Variants in PSD3 observed in about 807,000 individuals in gnomAD.
PSD3 encodes pleckstrin and Sec7 domain containing 3.
PSD3 carries 49 observed loss-of-function variants against 105.5 expected under a neutral mutation model. The observed-to-expected ratio is 0.46, with a 90% CI of 0.37 to 0.59. The LOEUF (loss-of-function observed/expected upper bound fraction) is 0.59, where lower values mean the gene tolerates loss of function less well. Among genes scored for constraint, PSD3 ranks in the 20% least tolerant of loss-of-function variants. PSD3 has a pLI of 0.00. For synonymous variants in PSD3, 557 were observed against 457.8 expected (o/e 1.22, Z -2.77); for missense variants, 1,561 against 1,263.8 (o/e 1.24, Z -3.57).
At chr8:18,781,989 T>C (rs1417577958) in intron 8 of PSD3, among the ~76,000 whole-genome samples, 3 of 152,116 alleles carry the variant, frequency 2.0e-5, no homozygotes, top group Admixed American at 1.3e-4. Flanking sequence ...CTGATGATTA[T>C]ATTTTTTATT....
intron 1 of PSD3, among the ~76,000 whole-genome samples, chr8:18,983,342 C>T (rs1028787828): frequency 2.0e-5 from 3 of 152,214 alleles, no homozygotes; most frequent in Admixed American, 2.0e-4. Flanking sequence ...GCTTTCTTAT[C>T]TTTCACATAT....
chr8:18,804,829 C>T lies in PSD3; in HGVS notation c.1704G>A (p.Lys568=). 6.2e-7 allele frequency: 1 copy of T among 1,613,882 alleles called. No homozygotes were observed. The highest frequency in any genetic ancestry group is 1.1e-5 in the South Asian group (1 of 91,064). ...SEMGSTEILE[K]ETPENLSNGT... ...CATTACTGAGATTTTCTGGGGTCTCCTTTTCCAAAATTTCAGTGCTCCCCA... is the reference window on the plus strand; with the variant it reads ...CATTACTGAGATTTTCTGGGGTCTCTTTTTCCAAAATTTCAGTGCTCCCCA... The change falls in exon 5 of 16, where the codon AAG becomes AAA. Residue 568 remains lysine, a synonymous_variant. Coordinates refer to ENST00000327040, the MANE Select transcript of PSD3 (RefSeq NM_015310.4).
intron 1 of PSD3, among the ~76,000 whole-genome samples, chr8:18,987,752 G>A (rs546149003): frequency 6.6e-6 from 1 of 152,232 alleles, no homozygotes; most frequent in South Asian, 2.1e-4. Context: ...CCAAGAGGCA[G>A]CAGTGAGCCG....
chr8:18,644,911 G>A (rs750300637), intron 10 of PSD3, among the ~76,000 whole-genome samples: 1 of 152,168 alleles, frequency 6.6e-6, no homozygotes, highest in African/African-American at 2.4e-5. Context: ...AGTCAAGTAA[G>A]GGGCCTGCAT....
At chr8:19,062,946 G>T (rs1828952659) in intron 1 of PSD3, among the ~76,000 whole-genome samples, 1 of 152,142 alleles carries the variant, frequency 6.6e-6, no homozygotes, top group Non-Finnish European at 1.5e-5. Context: ...AAGAAAAAAT[G>T]TCTATCCAAA....
chr8:18,840,144 T>C (rs1362448256), intron 4 of PSD3, among the ~76,000 whole-genome samples: 1 of 152,138 alleles, frequency 6.6e-6, no homozygotes, highest in African/African-American at 2.4e-5. Context: ...CAAAGGAATG[T>C]GAATGCCAAG....
intron 10 of PSD3, among the ~76,000 whole-genome samples, chr8:18,647,200 T>G (rs959884475): frequency 2.0e-5 from 3 of 152,198 alleles, no homozygotes; most frequent in African/African-American, 7.2e-5. Flanking sequence ...GACTTAAATT[T>G]GCAACAAGGA....
chr8:18,666,423 T>G (rs1300385632), intron 9 of PSD3, among the ~76,000 whole-genome samples: 1 of 152,226 alleles, frequency 6.6e-6, no homozygotes, highest in Non-Finnish European at 1.5e-5. Context: ...GGTATTTGTT[T>G]TATTGCTGTG....
At chr8:18,889,582 A>AAAAC (rs969487477) in intron 2 of PSD3, among the ~76,000 whole-genome samples, 20 of 152,300 alleles carry the variant, frequency 1.3e-4, no homozygotes, top group Admixed American at 8.5e-4. Flanking sequence ...CCCTTCTGAA[A>AAAAC]AAACAAACAA....
intron 2 of PSD3, among the ~76,000 whole-genome samples, chr8:18,876,529 G>C (rs2129458196): frequency 1.3e-5 from 2 of 152,140 alleles, no homozygotes; most frequent in Middle Eastern, 6.8e-3. Context: ...TGGGACTATA[G>C]GCACAGGCAT....
chr8:18,710,390 G>C (rs1355670541), intron 9 of PSD3, among the ~76,000 whole-genome samples: 1 of 152,122 alleles, frequency 6.6e-6, no homozygotes, highest in Non-Finnish European at 1.5e-5. Flanking sequence ...GAAAGAGACA[G>C]GGGGAACAGA....
At chr8:18,928,692 CTTTTT>C (rs1334621566) in intron 2 of PSD3, among the ~76,000 whole-genome samples, 2 of 151,462 alleles carry the variant, frequency 1.3e-5, no homozygotes, top group East Asian at 3.9e-4. Context: ...TCCTTTTTTT[CTTTTT>C]ATCTTTCTCT....
At chr8:19,048,488 T>G (rs879745789) in intron 1 of PSD3, among the ~76,000 whole-genome samples, 1 of 152,212 alleles carries the variant, frequency 6.6e-6, no homozygotes, top group Non-Finnish European at 1.5e-5. Flanking sequence ...GCTGCTGAAT[T>G]AATACCTTTA....
chr8:18,752,350 T>C (rs1383199977), intron 9 of PSD3, among the ~76,000 whole-genome samples: 2 of 147,062 alleles, frequency 1.4e-5, no homozygotes, highest in Non-Finnish European at 3.0e-5. Flanking sequence ...GTATGAGGCA[T>C]ACTGTGGCCA....
intron 9 of PSD3, among the ~76,000 whole-genome samples, chr8:18,752,544 TATTATATATA>T (rs1805622496): frequency 1.3e-4 from 2 of 15,124 alleles, no homozygotes; most frequent in Admixed American, 1.5e-3. Context: ...ATATTATATA[TATTATATATA>T]ATTATATATA....
At chr8:19,024,569 C>T (rs1373698289) in intron 1 of PSD3, among the ~76,000 whole-genome samples, 12 of 152,270 alleles carry the variant, frequency 7.9e-5, no homozygotes, top group East Asian at 5.8e-4. Context: ...AAGCCACTTA[C>T]GATGACACCT....
At chr8:18,677,964 CAG>C (rs1563164849) in intron 9 of PSD3, among the ~76,000 whole-genome samples, 4 of 147,434 alleles carry the variant, frequency 2.7e-5, no homozygotes, top group Non-Finnish European at 3.0e-5. Flanking sequence ...GAGCCGAGAT[CAG>C]GCCACTGCAC....
At chr8:18,662,221 G>A (rs891153292) in intron 9 of PSD3, among the ~76,000 whole-genome samples, 1 of 152,082 alleles carries the variant, frequency 6.6e-6, no homozygotes, top group Non-Finnish European at 1.5e-5. Context: ...AGAATCTGAA[G>A]TATAATTAAT....
chr8:18,930,203 G>C (rs899460940), intron 2 of PSD3, among the ~76,000 whole-genome samples: 4 of 152,150 alleles, frequency 2.6e-5, no homozygotes, highest in Non-Finnish European at 5.9e-5. Context: ...GGGGTCAAGA[G>C]AGCCCTGAAA....
Sources: gnomAD v4.1 joint callset for allele counts (sites outside exome capture counted in the v4.1 genomes callset) on GRCh38, gnomAD v4.1.1 for gene constraint, MANE v1.5 for transcripts, NCBI Gene and HGNC (gene_info 2026-07-23, HGNC 2026-07-21) for gene names.